BICD1: variants seen among roughly 807,000 people sequenced by gnomAD.
BICD1 encodes BICD cargo adaptor 1.
In BICD1, 35 loss-of-function variants were observed where a neutral mutation model predicts 92.5. That is an observed-to-expected ratio of 0.38 (90% CI 0.29 to 0.50). BICD1 has a LOEUF of 0.50. Among genes scored for constraint, BICD1 ranks in the 20% least tolerant of loss-of-function variants. BICD1 has a pLI of 0.93. For synonymous variants in BICD1, 429 were observed against 465.1 expected, an observed-to-expected ratio of 0.92 and a Z score of 1.00; for missense variants, 950 against 1,189.8, an observed-to-expected ratio of 0.80 and a Z score of 2.97.
intron 2 of BICD1, among the ~76,000 whole-genome samples, chr12:32,265,605 T>A (rs936295449): frequency 1.3e-5 from 2 of 150,546 alleles, no homozygotes; most frequent in South Asian, 2.1e-4. Context: ...TAGTCTCAGC[T>A]ACTTGGGAAG....
intron 1 of BICD1, among the ~76,000 whole-genome samples, chr12:32,172,017 C>G (rs1943960694): frequency 6.6e-6 from 1 of 151,286 alleles, no homozygotes; most frequent in Non-Finnish European, 1.5e-5. Context: ...GAGCATTATA[C>G]AGTAAGACAG....
chr12:32,209,725 A>G (rs1821232930), intron 1 of BICD1, among the ~76,000 whole-genome samples: 1 of 147,618 alleles, frequency 6.8e-6, no homozygotes, highest in Admixed American at 6.7e-5. Flanking sequence ...TCTCTGAGGG[A>G]AAGGCCAGGT....
chr12:32,227,842 C>T (rs1565602062), intron 2 of BICD1: 2 of 153,856 alleles, frequency 1.3e-5, no homozygotes, highest in Non-Finnish European at 2.9e-5. Flanking sequence ...GTATGAACCC[C>T]AGCCCTCCCA....
chr12:32,213,098 A>G (rs1316876980), intron 1 of BICD1, among the ~76,000 whole-genome samples: 2 of 152,158 alleles, frequency 1.3e-5, no homozygotes, highest in Admixed American at 1.3e-4. Flanking sequence ...ACTAACCTAA[A>G]TAACTTATTT....
At chr12:32,366,386 G>A (rs959160279) in intron 8 of BICD1, among the ~76,000 whole-genome samples, 12 of 152,206 alleles carry the variant, frequency 7.9e-5, no homozygotes, top group South Asian at 2.1e-4. Context: ...TTGGGAGGCC[G>A]AGGCAGGTGG....
chr12:32,112,775 A>G (rs888137399), intron 1 of BICD1, among the ~76,000 whole-genome samples: 2 of 152,196 alleles, frequency 1.3e-5, no homozygotes, highest in African/African-American at 4.8e-5. Flanking sequence ...TGAAACAGTC[A>G]CTGTGTTTAA....
intron 2 of BICD1, among the ~76,000 whole-genome samples, chr12:32,231,587 ATTTATTTAT>A (rs1945889677): frequency 6.7e-6 from 1 of 148,976 alleles, no homozygotes; most frequent in South Asian, 2.1e-4. Context: ...TTATTTATTT[ATTTATTTAT>A]TTATTATTAT....
chr12:32,249,689 C>CTCT (rs1555156635), intron 2 of BICD1, among the ~76,000 whole-genome samples: 1 of 145,742 alleles, frequency 6.9e-6, no homozygotes, highest in Non-Finnish European at 1.5e-5. Flanking sequence ...CTCTCTCTCT[C>CTCT]TTTTTTTTTT....
chr12:32,259,164 G>A (rs1016341647), intron 2 of BICD1, among the ~76,000 whole-genome samples: 4 of 152,058 alleles, frequency 2.6e-5, no homozygotes, highest in Non-Finnish European at 4.4e-5. Context: ...CCCTATACCC[G>A]CCGTTATTCC....
chr12:32,174,700 A>G (rs1944043651), intron 1 of BICD1, among the ~76,000 whole-genome samples: 1 of 152,196 alleles, frequency 6.6e-6, no homozygotes, highest in African/African-American at 2.4e-5. Context: ...AACCTGTGAA[A>G]GCATTGTCTT....
Position 32,366,256 on chromosome 12 carries a change from A to C in BICD1, c.2765-1414A>C, listed in dbSNP as rs768967331. On this transcript the variant is annotated intron_variant, in intron 8 of 9. Coordinates refer to ENST00000652176, the MANE Select transcript of BICD1 (RefSeq NM_001714.4). ...CTTAAATAGAAGACTTCAAATGTAAATATCAGTAGAGCCTCGTTAAGGCTA... is the reference window on the plus strand; with the variant it reads ...CTTAAATAGAAGACTTCAAATGTAACTATCAGTAGAGCCTCGTTAAGGCTA... Among the ~76,000 whole-genome samples the C allele has an allele frequency of 2.6e-5, 4 of 152,252 alleles. No individual in the cohort carries two copies. The East Asian group carries it at 7.7e-4, about 29-fold the overall frequency.
At chr12:32,322,835 C>T (rs1948692410) in intron 4 of BICD1, among the ~76,000 whole-genome samples, 1 of 152,218 alleles carries the variant, frequency 6.6e-6, no homozygotes, top group Admixed American at 6.5e-5. Context: ...AAACAAGCTT[C>T]AGACACATTC....
chr12:32,144,073 G>C (rs1943033518), intron 1 of BICD1, among the ~76,000 whole-genome samples: 1 of 152,116 alleles, frequency 6.6e-6, no homozygotes, highest in Non-Finnish European at 1.5e-5. Context: ...CATCTCTGCA[G>C]TTTACTCTTT....
At chr12:32,152,462 G>C (rs986656580) in intron 1 of BICD1, among the ~76,000 whole-genome samples, 1 of 152,124 alleles carries the variant, frequency 6.6e-6, no homozygotes. Context: ...CTGGCCTCAA[G>C]TGATCCTCCT....
At chr12:32,346,562 A>ATATATATATATACGTGTG (rs1938593970) in intron 8 of BICD1, among the ~76,000 whole-genome samples, 4 of 37,168 alleles carry the variant, frequency 1.1e-4, no homozygotes, top group African/African-American at 3.7e-4. Context: ...ATATATATAT[A>ATATATATATATACGTGTG]TATATATATA....
At chr12:32,147,270 A>G (rs927282933) in intron 1 of BICD1, among the ~76,000 whole-genome samples, 1 of 152,170 alleles carries the variant, frequency 6.6e-6, no homozygotes, top group Admixed American at 6.5e-5. Flanking sequence ...CAATGTTGCC[A>G]GACAGGCCAA....
intron 1 of BICD1, chr12:32,108,263 A>T (rs1309238148): frequency 5.5e-6 from 1 of 181,172 alleles, no homozygotes; most frequent in Non-Finnish European, 1.2e-5. Context: ...GTAGTGTTGC[A>T]TTTCAAATGA....
chr12:32,149,154 G>A (rs1217808746), intron 1 of BICD1, among the ~76,000 whole-genome samples: 1 of 152,168 alleles, frequency 6.6e-6, no homozygotes, highest in African/African-American at 2.4e-5. Flanking sequence ...AACTGCATGG[G>A]ATAGGCCATT....
rs1945366652 is a variant in BICD1, at chr12:32,216,465, T to C, written c.426+6T>C. Reference sequence around the variant, plus strand: ...TCGTGCAGGATCTGAAGGAGGTAAATAAACAAATTCCCTATGAGAGATTTG... The same window carrying C: ...TCGTGCAGGATCTGAAGGAGGTAAACAAACAAATTCCCTATGAGAGATTTG... On this transcript the variant is annotated splice_donor_region_variant and intron_variant, in intron 2 of 9. Transcript: ENST00000652176. 1.9e-6 allele frequency: 3 copies of C among 1,612,986 alleles called. No homozygotes were observed. The highest frequency in any genetic ancestry group is 1.6e-4 in the Middle Eastern group (1 of 6,084).
Sources: allele counts gnomAD v4.1 joint callset (sites outside exome capture counted in the v4.1 genomes callset), GRCh38; gene constraint gnomAD v4.1.1; transcripts MANE v1.5; gene names NCBI Gene and HGNC (gene_info 2026-07-23, HGNC 2026-07-21).